DPY19L3: variants seen among roughly 807,000 people sequenced by gnomAD.
DPY19L3 encodes dpy-19 like C-mannosyltransferase 3, also known as protein C-mannosyl-transferase DPY19L3.
A neutral mutation model predicts 92.3 loss-of-function variants in DPY19L3; 51 were observed. That is an observed-to-expected ratio of 0.55 (90% CI 0.44 to 0.70). The LOEUF is 0.70. DPY19L3 is among the 30% of genes least tolerant of loss of function. DPY19L3 has a pLI of 0.00. For synonymous variants in DPY19L3, 309 were observed against 315.2 expected (o/e 0.98, Z 0.21); for missense variants, 706 against 855.9 (o/e 0.82, Z 2.18).
Position 32,455,015 on chromosome 19 carries a change from C to G in DPY19L3, c.1064C>G (p.Thr355Arg). 1.3e-6 allele frequency: 2 copies of G among 1,563,302 alleles called. No individual in the cohort carries two copies. The highest frequency in any genetic ancestry group is 1.7e-6 in the Non-Finnish European group (2 of 1,160,366). ...CATTTATTTATGGTTTTATGTTTGA[C>G]ACTTTTTCTCAACAACATAATTAAG... ...LLHLFMVLCL[T>R]LFLNNIIKKI... The change falls in exon 10 of 19, where the codon ACA becomes AGA. Residue 355 changes from threonine to arginine, a missense_variant. Physicochemically the swap from Thr to Arg is moderately conservative, Grantham distance 71 (BLOSUM62 -1). Transcript: ENST00000392250.
intron 15 of DPY19L3, chr19:32,468,083 A>G: frequency 1.0e-6 from 1 of 985,280 alleles, no homozygotes; most frequent in South Asian, 4.7e-5. Context: ...CTATTTTGAA[A>G]TGAAAAGGGG....
rs923773742 is a variant in DPY19L3 at position 32,407,272 on chromosome 19, A to AC, written c.-37-942dup. ...CCAAACCAGGCTCCTGCTCCCCCCC[A>AC]CCCATTACTCCCACCGACGCTCCCT... is the stretch of plus-strand genomic sequence containing the variant. On this transcript the variant is annotated intron_variant, in intron 1 of 18. Coordinates refer to ENST00000392250, the MANE Select transcript of DPY19L3 (RefSeq NM_001172774.2). Among the ~76,000 whole-genome samples, 46 of 93,518 alleles carry AC rather than the reference A, an allele frequency of 4.9e-4. 1 individual carries two copies. In the East Asian group the frequency reaches 5.5e-3, roughly 11 times the overall value. The allele number at this position is 93,518 out of a possible 152,430, so 61.4% of individuals were successfully genotyped here.
At chr19:32,476,662 C>T (rs1481289581) in intron 16 of DPY19L3, among the ~76,000 whole-genome samples, 1 of 151,996 alleles carries the variant, frequency 6.6e-6, no homozygotes, top group Non-Finnish European at 1.5e-5. Context: ...CTGCCCCTCA[C>T]ACCCCTGGAA....
intron 1 of DPY19L3, among the ~76,000 whole-genome samples, chr19:32,406,943 C>G (rs960996187): frequency 6.6e-6 from 1 of 150,924 alleles, no homozygotes; most frequent in African/African-American, 2.4e-5. Flanking sequence ...TTCTCCCTCT[C>G]TGTTCCAGAT....
chr19:32,411,133 C>T, intron 2 of DPY19L3, 106 bp from the exon 3 acceptor site: 1 of 1,207,314 alleles, frequency 8.3e-7, no homozygotes, highest in Non-Finnish European at 1.2e-6. Context: ...AAAGCTTTCC[C>T]AGTGACAGGC....
intron 12 of DPY19L3, among the ~76,000 whole-genome samples, chr19:32,461,850 C>T (rs1262017286): frequency 1.3e-5 from 2 of 152,170 alleles, no homozygotes; most frequent in African/African-American, 4.8e-5. Context: ...TCTAAAGTCA[C>T]TGATCAGTCT....
intron 3 of DPY19L3, among the ~76,000 whole-genome samples, chr19:32,420,003 G>A (rs1466908998): frequency 6.6e-6 from 1 of 151,600 alleles, no homozygotes; most frequent in Non-Finnish European, 1.5e-5. Context: ...GGGATTACAG[G>A]CAGGCACCAC....
chr19:32,432,277 C>T (rs543071780), intron 3 of DPY19L3, among the ~76,000 whole-genome samples: 5 of 152,282 alleles, frequency 3.3e-5, no homozygotes, highest in African/African-American at 1.2e-4. Context: ...TTACGCTTGT[C>T]AGAGTAAAAT....
intron 17 of DPY19L3, among the ~76,000 whole-genome samples, chr19:32,478,488 A>G (rs567351918): frequency 6.6e-6 from 1 of 152,352 alleles, no homozygotes; most frequent in Non-Finnish European, 1.5e-5. Flanking sequence ...TTCAGAACAT[A>G]CAAAAGGAAA....
rs1041954967 is a variant in DPY19L3, at chr19:32,405,785, C to G, written c.-162C>G. ...CCAGCCCCTCATTTCCACAAAGCTC[C>G]GCGGCGGTTCTGCCCTCCTTGTACC... On this transcript the variant is annotated 5_prime_UTR_variant, in exon 1 of 19. Transcript: ENST00000392250. 2 of 152,194 alleles carry G rather than the reference C, an allele frequency of 1.3e-5. No homozygotes were observed. The highest frequency in any genetic ancestry group is 4.8e-5 in the African/African-American group (2 of 41,450). 9.4% of individuals were successfully genotyped at this position (152,194 alleles called of 1,614,324 possible). A position where few individuals can be genotyped will look rare whatever the true frequency, so the allele number is the denominator to read the frequency against.
At chr19:32,465,032 T>C (rs1970159531) in intron 15 of DPY19L3, among the ~76,000 whole-genome samples, 1 of 152,236 alleles carries the variant, frequency 6.6e-6, no homozygotes, top group Non-Finnish European at 1.5e-5. Flanking sequence ...TGATTTAGAC[T>C]CTTAATATTC....
chr19:32,471,168 G>T (rs1299698145), intron 16 of DPY19L3, among the ~76,000 whole-genome samples: 4 of 152,182 alleles, frequency 2.6e-5, no homozygotes, highest in Admixed American at 2.6e-4. Flanking sequence ...CGGTATCCAT[G>T]TTATTAGCAA....
At chr19:32,469,284 G>T (rs1007099148) in intron 16 of DPY19L3, among the ~76,000 whole-genome samples, 1 of 152,064 alleles carries the variant, frequency 6.6e-6, no homozygotes, top group East Asian at 1.9e-4. Context: ...ATCACCCGAG[G>T]TCAGGAGTTC....
chr19:32,456,019 C>T (rs1324990425), intron 10 of DPY19L3, among the ~76,000 whole-genome samples: 6 of 149,348 alleles, frequency 4.0e-5, no homozygotes, highest in Admixed American at 4.0e-4. Flanking sequence ...TTGTTCACGT[C>T]TGTTGACTAT....
intron 1 of DPY19L3, among the ~76,000 whole-genome samples, chr19:32,407,866 G>A (rs1968030679): frequency 6.6e-6 from 1 of 152,170 alleles, no homozygotes; most frequent in Non-Finnish European, 1.5e-5. Flanking sequence ...TCCAAGGCGG[G>A]GAGGATCGCA....
intron 3 of DPY19L3, among the ~76,000 whole-genome samples, chr19:32,425,187 A>G (rs1305177500): frequency 6.6e-6 from 1 of 152,186 alleles, no homozygotes; most frequent in Non-Finnish European, 1.5e-5. Context: ...TAGAGACCAC[A>G]CTAAAAACAC....
intron 16 of DPY19L3, among the ~76,000 whole-genome samples, chr19:32,472,742 C>T (rs1439922528): frequency 6.6e-6 from 1 of 152,056 alleles, no homozygotes; most frequent in East Asian, 1.9e-4. Context: ...ATAAGATAGG[C>T]ATATCTATAT....
chr19:32,450,480 C>T (rs565064518), intron 8 of DPY19L3, among the ~76,000 whole-genome samples: 4 of 152,072 alleles, frequency 2.6e-5, no homozygotes, highest in Admixed American at 1.3e-4. Context: ...GGAAACCACC[C>T]GAATGCCCAT....
chr19:32,436,840 G>A (rs1969158019), intron 5 of DPY19L3, among the ~76,000 whole-genome samples: 1 of 152,128 alleles, frequency 6.6e-6, no homozygotes, highest in South Asian at 2.1e-4. Context: ...CTGTAATCAG[G>A]AGTGATTACA....
Sources: allele counts gnomAD v4.1 joint callset (sites outside exome capture counted in the v4.1 genomes callset), GRCh38; gene constraint gnomAD v4.1.1; transcripts MANE v1.5; gene names NCBI Gene and HGNC (gene_info 2026-07-23, HGNC 2026-07-21).